The following NCKAP5 variants were observed in gnomAD, a reference collection of about 807,000 sequenced individuals.
The protein encoded by NCKAP5 is NCK associated protein 5.
A neutral mutation model predicts 167.0 loss-of-function variants in NCKAP5; 92 were observed. The observed-to-expected ratio is 0.55, with a 90% CI of 0.47 to 0.66. NCKAP5 has a LOEUF of 0.66. NCKAP5 is among the 30% of genes least tolerant of loss of function. NCKAP5 has a pLI of 0.00. For missense variants in NCKAP5, 2,378 were observed against 2,315.0 expected, an observed-to-expected ratio of 1.03 and a Z score of -0.56; for synonymous variants, 891 against 877.4, an observed-to-expected ratio of 1.02 and a Z score of -0.27.
At chr2:133,400,245 T>C (rs532419773) in intron 3 of NCKAP5, among the ~76,000 whole-genome samples, 1 of 152,118 alleles carries the variant, frequency 6.6e-6, no homozygotes, top group Non-Finnish European at 1.5e-5. Context: ...GAAGTTTAAA[T>C]GTAAAGGATC....
In NCKAP5 at chr2:133,106,184, T is replaced by G. The variant is rs554993679; in HGVS notation, c.341+23794A>C. ...GGCAGGCGCCTGTAGTCCCAGCTAC[T>G]CGGGAGGCTGAGGAAGGACAATGGT... On this transcript the variant is annotated intron_variant, in intron 6 of 19. Coordinates refer to ENST00000409261, the MANE Select transcript of NCKAP5 (RefSeq NM_207363.3). Among the ~76,000 whole-genome samples, 3 of 143,668 alleles carry G rather than the reference T, an allele frequency of 2.1e-5. 1 individual carries two copies. The highest frequency in any genetic ancestry group is 1.4e-4 in the Admixed American group (2 of 13,982). The allele number at this position is 143,668 out of a possible 152,430, so 94.3% of individuals were successfully genotyped here.
chr2:132,957,953 C>T lies in NCKAP5; in HGVS notation c.579+5767G>A, dbSNP rs191341923. Among the ~76,000 whole-genome samples the T allele has an allele frequency of 4.1e-4, 63 of 152,260 alleles. No homozygotes were observed. The South Asian group carries it at 4.6e-3, about 11-fold the overall frequency. The stretch of plus-strand genomic sequence containing the variant: ...TCTTTCTACACGGCTCTCTATACTC[C>T]GCTGAACCTAAGCATAAAAATGGAC... On this transcript the variant is annotated intron_variant, in intron 8 of 19. Coordinates refer to ENST00000409261, the MANE Select transcript of NCKAP5 (RefSeq NM_207363.3).
chr2:132,678,753 A>C (rs2105012175), intron 19 of NCKAP5, among the ~76,000 whole-genome samples: 1 of 146,300 alleles, frequency 6.8e-6, no homozygotes, highest in Non-Finnish European at 1.5e-5. Flanking sequence ...GTGGCTAATA[A>C]GTTAGGCAAT....
chr2:133,418,340 A>G (rs1161045966), intron 3 of NCKAP5, among the ~76,000 whole-genome samples: 1 of 152,208 alleles, frequency 6.6e-6, no homozygotes, highest in Non-Finnish European at 1.5e-5. Flanking sequence ...TAACTGTCAA[A>G]CAGAGACAAT....
chr2:133,102,744 A>AACACACACACACAC (rs3051212), intron 6 of NCKAP5, among the ~76,000 whole-genome samples: 117 of 135,120 alleles, frequency 8.7e-4, no homozygotes, highest in Non-Finnish European at 1.6e-3. Flanking sequence ...CAAGCATGTA[A>AACACACACACACAC]ACACACACAC....
intron 3 of NCKAP5, among the ~76,000 whole-genome samples, chr2:133,494,296 T>C (rs1019806650): frequency 6.6e-6 from 1 of 152,202 alleles, no homozygotes. Flanking sequence ...ATACAAAACC[T>C]TGGGCTTAGG....
At chr2:133,009,584 C>A (rs1559046200) in intron 6 of NCKAP5, among the ~76,000 whole-genome samples, 1 of 152,114 alleles carries the variant, frequency 6.6e-6, no homozygotes, top group African/African-American at 2.4e-5. Flanking sequence ...TCCCCTCATC[C>A]ATTTATCTGT....
rs2105340478 is a variant in NCKAP5, at chr2:132,825,595, C to A, written c.808-28866G>T. Among the ~76,000 whole-genome samples the A allele has an allele frequency of 3.9e-5, 6 of 152,230 alleles. No homozygotes were observed. In the South Asian group the frequency reaches 1.2e-3, roughly 32 times the overall value. ...AATATCAAGCCATTTTAACAGAGGG[C>A]AAGTCATATTATGGGAGAGGAAAGA... On this transcript the variant is annotated intron_variant, in intron 11 of 19. Transcript: ENST00000409261.
intron 3 of NCKAP5, among the ~76,000 whole-genome samples, chr2:133,480,113 G>A (rs890233837): frequency 6.6e-6 from 1 of 151,902 alleles, no homozygotes; most frequent in Admixed American, 6.6e-5. Flanking sequence ...TGTATTTTTA[G>A]TAGAGATGGG....
At chr2:133,489,197 G>T (rs1681221374) in intron 3 of NCKAP5, among the ~76,000 whole-genome samples, 1 of 152,182 alleles carries the variant, frequency 6.6e-6, no homozygotes, top group Non-Finnish European at 1.5e-5. Flanking sequence ...ACTGTGCTGA[G>T]AAATTAGTTA....
intron 6 of NCKAP5, among the ~76,000 whole-genome samples, chr2:133,113,777 A>G (rs2149726574): frequency 6.6e-6 from 1 of 152,352 alleles, no homozygotes; most frequent in Non-Finnish European, 1.5e-5. Context: ...TAGACATGAC[A>G]GCTAGGGTGT....
At chr2:133,563,746 G>C (rs1400676747) in intron 1 of NCKAP5, among the ~76,000 whole-genome samples, 2 of 152,234 alleles carry the variant, frequency 1.3e-5, no homozygotes, top group South Asian at 4.1e-4. Context: ...GCAGTCAATC[G>C]GGGCAGATGT....
intron 15 of NCKAP5, among the ~76,000 whole-genome samples, chr2:132,777,153 T>C (rs2104985687): frequency 6.6e-6 from 1 of 152,328 alleles, no homozygotes; most frequent in East Asian, 1.9e-4. Flanking sequence ...TTTGGGTGTC[T>C]TCTAATGATT....
intron 3 of NCKAP5, among the ~76,000 whole-genome samples, chr2:133,473,363 T>A (rs192161772): frequency 1.3e-5 from 2 of 152,176 alleles, no homozygotes; most frequent in Non-Finnish European, 2.9e-5. Context: ...TTTAGCTTTT[T>A]ATTGGCTACA....
At chr2:132,834,035 C>T (rs767489360) in intron 11 of NCKAP5, among the ~76,000 whole-genome samples, 2 of 152,070 alleles carry the variant, frequency 1.3e-5, no homozygotes, top group Non-Finnish European at 2.9e-5. Context: ...TTTCTTTCAT[C>T]AATGTTTGAT....
At chr2:133,617,371 T>G in the NCKAP5 span, among the ~76,000 whole-genome samples, 1 of 150,738 alleles carries the variant, frequency 6.6e-6, no homozygotes, top group Non-Finnish European at 1.5e-5. Flanking sequence ...CTGTCCCTGT[T>G]TGCAGACGAC....
chr2:133,108,655 A>G (rs930832859), intron 6 of NCKAP5, among the ~76,000 whole-genome samples: 1 of 152,228 alleles, frequency 6.6e-6, no homozygotes, highest in Non-Finnish European at 1.5e-5. Flanking sequence ...TTCATCCTTC[A>G]TGAGTGAAAC....
intron 6 of NCKAP5, among the ~76,000 whole-genome samples, chr2:133,068,581 G>A (rs996336532): frequency 6.6e-6 from 1 of 152,120 alleles, no homozygotes; most frequent in Non-Finnish European, 1.5e-5. Flanking sequence ...CCCTGTTCAA[G>A]CTGTTAGAGG....
intron 2 of NCKAP5, among the ~76,000 whole-genome samples, chr2:133,538,552 A>C (rs1382820602): frequency 1.3e-5 from 2 of 152,148 alleles, no homozygotes; most frequent in Admixed American, 6.5e-5. Context: ...CTGTGAACAA[A>C]AAAAAAACTG....
Sources: gnomAD v4.1 joint callset for allele counts (sites outside exome capture counted in the v4.1 genomes callset) on GRCh38, gnomAD v4.1.1 for gene constraint, MANE v1.5 for transcripts, NCBI Gene and HGNC (gene_info 2026-07-23, HGNC 2026-07-21) for gene names.